RPS6KA2: variants seen among roughly 807,000 people sequenced by gnomAD.
RPS6KA2 encodes the protein ribosomal protein S6 kinase alpha-2.
In RPS6KA2, 42 loss-of-function variants were observed where a neutral mutation model predicts 91.8. The ratio of observed to expected loss-of-function variants is 0.46; its 90% CI spans 0.36 to 0.59. The LOEUF (loss-of-function observed/expected upper bound fraction) is 0.59. Among genes scored for constraint, RPS6KA2 ranks in the 20% least tolerant of loss-of-function variants. RPS6KA2 has a pLI of 0.00. For missense variants in RPS6KA2, 798 were observed against 978.5 expected (o/e 0.82, Z 2.46); for synonymous variants, 414 against 393.6 (o/e 1.05, Z -0.61).
chr6:166,702,456 A>C, intron 2 of RPS6KA2: 2 of 1,587,260 alleles, frequency 1.3e-6, no homozygotes, highest in Non-Finnish European at 1.7e-6. Flanking sequence ...CTTGGTCCTT[A>C]CTGGAATAGG....
At chr6:166,498,407 C>T in intron 8 of RPS6KA2, 101 bp downstream of exon 8, 1 of 1,355,274 alleles carries the variant, frequency 7.4e-7, no homozygotes, top group Non-Finnish European at 9.7e-7. Context: ...CCCTCAGGCA[C>T]TGCCTTCTTC....
At chr6:166,471,989 C>T (rs1193498281) in intron 10 of RPS6KA2, among the ~76,000 whole-genome samples, 1 of 152,242 alleles carries the variant, frequency 6.6e-6, no homozygotes, top group Non-Finnish European at 1.5e-5. Flanking sequence ...GACAGTCTGA[C>T]TTCCAAACAG....
At chr6:166,719,963 A>C (rs1053579439) in intron 2 of RPS6KA2, among the ~76,000 whole-genome samples, 6 of 152,210 alleles carry the variant, frequency 3.9e-5, no homozygotes, top group African/African-American at 1.4e-4. Context: ...GGCAGCTTTG[A>C]GATATGTGGG....
intron 14 of RPS6KA2, among the ~76,000 whole-genome samples, chr6:166,439,531 T>A (rs1312604438): frequency 1.3e-5 from 2 of 152,238 alleles, no homozygotes; most frequent in Non-Finnish European, 2.9e-5. Context: ...CCGACTTTGT[T>A]GAGGTGCTGG....
intron 2 of RPS6KA2, among the ~76,000 whole-genome samples, chr6:166,633,847 C>G (rs889827650): frequency 6.6e-6 from 1 of 152,110 alleles, no homozygotes; most frequent in African/African-American, 2.4e-5. Context: ...TGATCAGATA[C>G]AAAAATATAC....
At chr6:166,691,927 G>A (rs6919772) in intron 2 of RPS6KA2, among the ~76,000 whole-genome samples, 8,022 of 152,234 alleles carry the variant, frequency 0.053, 686 homozygotes, top group African/African-American at 0.18. Flanking sequence ...ACGTGAGGCC[G>A]GGAGGAAGCC....
intron 1 of RPS6KA2, among the ~76,000 whole-genome samples, chr6:166,605,991 T>A (rs1371841955): frequency 2.0e-5 from 3 of 152,220 alleles, no homozygotes; most frequent in African/African-American, 7.2e-5. Context: ...GGGTCCTGAT[T>A]TCCTTCTGCC....
rs749795260 is a variant in RPS6KA2 at position 166,626,983 on chromosome 6, A to G, written c.37T>C (p.Phe13Leu). 6.4e-7 allele frequency: 1 copy of G among 1,551,314 alleles called. No individual in the cohort carries two copies. The highest frequency in any genetic ancestry group is 2.6e-5 in the East Asian group (1 of 39,076). The change falls in exon 1 of 21, where the codon TTC (phenylalanine) becomes CTC (leucine). Residue 13 changes from phenylalanine (F) to leucine (L), a missense_variant. Physicochemically the swap from Phe to Leu is conservative, Grantham distance 22. Coordinates refer to ENST00000265678, the MANE Select transcript of RPS6KA2 (RefSeq NM_021135.6). This position sits in a 1 kb window ranked among gnomAD's most constrained non-coding sequence, Gnocchi z 4.1. ...LSMKKFAVRRFFSVYLRRKSR... is the reference protein window; with the variant it reads ...LSMKKFAVRRLFSVYLRRKSR... Reference sequence around the variant, plus strand: ...TTCCTGCGCAGGTACACAGAGAAGAACCTGCGCACGGCGAACTTCTTCATG... The same window carrying G: ...TTCCTGCGCAGGTACACAGAGAAGAGCCTGCGCACGGCGAACTTCTTCATG...
chr6:166,701,591 C>A, intron 2 of RPS6KA2: 1 of 1,353,664 alleles, frequency 7.4e-7, no homozygotes, highest in Non-Finnish European at 1.1e-6. Context: ...ACTGATAGAG[C>A]CGGGATAAAC....
At chr6:166,413,684 TG>T in intron 20 of RPS6KA2, 109 bp downstream of exon 20, 1 of 1,182,136 alleles carries the variant, frequency 8.5e-7, no homozygotes, top group Non-Finnish European at 1.2e-6. Flanking sequence ...GGGGCTGCTA[TG>T]GGCTCTTTCT....
At chr6:166,824,871 G>A (rs1780011194) in intron 2 of RPS6KA2, among the ~76,000 whole-genome samples, 1 of 152,136 alleles carries the variant, frequency 6.6e-6, no homozygotes, top group African/African-American at 2.4e-5. Context: ...GTGTCTGTGT[G>A]TGTATGTCTG....
chr6:166,743,043 A>G (rs1790859819), intron 2 of RPS6KA2, among the ~76,000 whole-genome samples: 3 of 152,262 alleles, frequency 2.0e-5, no homozygotes, highest in Admixed American at 2.0e-4. Flanking sequence ...CACTCTGGTA[A>G]CAAAAGAGGA....
In RPS6KA2 at chr6:166,437,549, G is replaced by A. The variant is rs1779367892; in HGVS notation, c.1333-5059C>T. On this transcript the variant is annotated intron_variant, in intron 14 of 20. Coordinates refer to ENST00000265678, the MANE Select transcript of RPS6KA2 (RefSeq NM_021135.6). The surrounding 1 kb of genome is among the most constrained non-coding windows in gnomAD (Gnocchi z 4.3). ...AGGACTCCTACAACCTCCAGAGAAG[G>A]GCATTCTCCAGGGGTTGGCCACCCA... Among the ~76,000 whole-genome samples, 1 of 152,150 alleles carries A rather than the reference G, an allele frequency of 6.6e-6. No homozygotes were observed. Among genetic ancestry groups the A allele is most frequent in the South Asian group, 2.1e-4 (1 of 4,828 alleles).
At chr6:166,714,012 A>G (rs1032664319) in intron 2 of RPS6KA2, among the ~76,000 whole-genome samples, 6 of 152,068 alleles carry the variant, frequency 3.9e-5, no homozygotes, top group African/African-American at 1.4e-4. Context: ...GCCTTTCCCT[A>G]TGGGTTTATG....
chr6:166,714,155 G>C (rs968418387), intron 2 of RPS6KA2, among the ~76,000 whole-genome samples: 1 of 152,238 alleles, frequency 6.6e-6, no homozygotes, highest in African/African-American at 2.4e-5. Flanking sequence ...ATCAGGCAGG[G>C]TTACCCCCAG....
chr6:166,440,598 A>G (rs540196304), intron 14 of RPS6KA2, among the ~76,000 whole-genome samples: 2 of 152,380 alleles, frequency 1.3e-5, no homozygotes, highest in South Asian at 2.1e-4. Flanking sequence ...GATTCATCAA[A>G]TGAATCTTTG....
chr6:166,416,531 T>C (rs1778533278), intron 19 of RPS6KA2, among the ~76,000 whole-genome samples: 1 of 150,310 alleles, frequency 6.7e-6, no homozygotes, highest in African/African-American at 2.5e-5. Context: ...TGCCATCCCT[T>C]CATCACCTCC....
intron 2 of RPS6KA2, among the ~76,000 whole-genome samples, chr6:166,829,636 A>G (rs1361032094): frequency 1.3e-5 from 2 of 150,936 alleles, no homozygotes; most frequent in African/African-American, 4.9e-5. Context: ...ATGGTCCATC[A>G]ATTCCCCTGC....
intron 1 of RPS6KA2, among the ~76,000 whole-genome samples, chr6:166,543,865 A>T (rs1336243277): frequency 7.9e-6 from 1 of 126,448 alleles, no homozygotes; most frequent in African/African-American, 2.7e-5. Context: ...CACATACGTG[A>T]GTGTGTGTGA....
Sources: gnomAD v4.1 joint callset for allele counts (sites outside exome capture counted in the v4.1 genomes callset) on GRCh38, gnomAD v4.1.1 for gene constraint, Gnocchi (gnomAD v3.1) non-coding constraint, MANE v1.5 for transcripts, NCBI Gene and HGNC (gene_info 2026-07-23, HGNC 2026-07-21) for gene names.